The following PTK2B variants were observed in gnomAD, a reference collection of about 807,000 sequenced individuals.
PTK2B encodes protein-tyrosine kinase 2-beta.
Under a neutral mutation model 142.9 loss-of-function variants are expected in PTK2B, and 71 were observed. The observed-to-expected ratio is 0.50, with a 90% CI of 0.41 to 0.61. PTK2B has a LOEUF of 0.61. Among genes scored for constraint, PTK2B ranks in the 20% least tolerant of loss-of-function variants. The probability of loss-of-function intolerance (pLI) is 0.00; values close to 1 mark genes in which losing one functional copy is unlikely to be tolerated. For missense variants in PTK2B, 1,105 were observed against 1,320.4 expected (o/e 0.84, Z 2.53); for synonymous variants, 519 against 503.4 (o/e 1.03, Z -0.42).
At chr8:27,350,987 AAAAATATATATATATATATAT>A (rs1262942546) in intron 1 of PTK2B, among the ~76,000 whole-genome samples, 1 of 17,166 alleles carries the variant, frequency 5.8e-5, no homozygotes, top group East Asian at 8.3e-4. Flanking sequence ...AAAAAAAAAA[AAAAATATATATATATATATAT>A]ATATATATAT....
intron 2 of PTK2B, among the ~76,000 whole-genome samples, chr8:27,407,853 C>T (rs1563259940): frequency 6.6e-6 from 1 of 152,206 alleles, no homozygotes; most frequent in Non-Finnish European, 1.5e-5. Context: ...AGCACCTGCT[C>T]TGCACCTACC....
rs766476675 is a variant in PTK2B at position 27,439,303 on chromosome 8, C to T, written c.1745-6C>T. The T allele has an allele frequency of 6.2e-7, 1 of 1,612,406 alleles. No homozygotes were observed. Among genetic ancestry groups the T allele is most frequent in the Non-Finnish European group, 8.5e-7 (1 of 1,178,488 alleles). The stretch of plus-strand genomic sequence containing the variant: ...CCTAAAAATCAACCTCTTTGCCCAC[C>T]CAAAGCCTCTGTGACTCGTCTCCCC... On this transcript the variant is annotated splice_polypyrimidine_tract_variant and splice_region_variant and intron_variant, in intron 19 of 30. Coordinates refer to ENST00000346049, the MANE Select transcript of PTK2B (RefSeq NM_173176.3).
chr8:27,437,208 T>C lies in PTK2B; in HGVS notation c.1426+2T>C, dbSNP rs772470017. ...AGGAGAAGTTCATGAGCGAGGCAGG[T>C]AGGGACCCCTGAGACCAACCAGGCC... is the stretch of plus-strand genomic sequence containing the variant. On this transcript the variant is annotated splice_donor_variant, in intron 16 of 30. Coordinates refer to ENST00000346049, the MANE Select transcript of PTK2B (RefSeq NM_173176.3). LOFTEE classifies it high-confidence loss of function. The C allele has an allele frequency of 6.2e-7, 1 of 1,613,158 alleles. No homozygotes were observed. The highest frequency in any genetic ancestry group is 8.5e-7 in the Non-Finnish European group (1 of 1,179,280).
rs192444260 is a variant in PTK2B, at chr8:27,438,109, C to T, written c.1643+229C>T. On this transcript the variant is annotated intron_variant, in intron 18 of 30. Coordinates refer to ENST00000346049, the MANE Select transcript of PTK2B (RefSeq NM_173176.3). ...GGTTGTTACGAGTAACTCTGAAGTC[C>T]GAGGTGTCTGTCTATATATCAAGAC... is the stretch of plus-strand genomic sequence containing the variant. The T allele has an allele frequency of 4.2e-4, 209 of 492,824 alleles. 1 individual carries two copies. The highest frequency in any genetic ancestry group is 3.4e-3 in the African/African-American group (175 of 51,950). The allele number at this position is 492,824 out of a possible 1,614,324, so 30.5% of individuals were successfully genotyped here.
In PTK2B at chr8:27,432,459, A is replaced by G. The variant is rs1475909003; in HGVS notation, c.987+98A>G. ...AGACCAAAAGTCTGTGACACACAGG[A>G]AGCCAGGAGCTTCCTGGCTTTGGGG... On this transcript the variant is annotated intron_variant, in intron 10 of 30. Coordinates refer to ENST00000346049, the MANE Select transcript of PTK2B (RefSeq NM_173176.3). 5.4e-6 allele frequency: 6 copies of G among 1,115,730 alleles called. No individual in the cohort carries two copies. In the African/African-American group the frequency reaches 9.4e-5, roughly 17 times the overall value. 69.1% of individuals were successfully genotyped at this position (1,115,730 alleles called of 1,614,324 possible).
chr8:27,330,638 G>T (rs949680738), intron 1 of PTK2B, among the ~76,000 whole-genome samples: 1 of 152,186 alleles, frequency 6.6e-6, no homozygotes, highest in African/African-American at 2.4e-5. Flanking sequence ...GGGCGGCAGA[G>T]GGGGAGGGGA....
upstream of PTK2B, chr8:27,310,866 G>A: frequency 1.2e-6 from 2 of 1,611,596 alleles, no homozygotes; most frequent in Non-Finnish European, 1.7e-6. Context: ...GGGTCGGCCT[G>A]GCAGGAGCAG....
intron 1 of PTK2B, among the ~76,000 whole-genome samples, chr8:27,388,219 T>G (rs1488216107): frequency 2.0e-5 from 3 of 152,174 alleles, no homozygotes; most frequent in Admixed American, 2.0e-4. Context: ...GGTACCAAAT[T>G]TCTCCGCTCA....
chr8:27,371,010 C>T (rs922398974), intron 1 of PTK2B, among the ~76,000 whole-genome samples: 2 of 152,108 alleles, frequency 1.3e-5, no homozygotes, highest in African/African-American at 4.8e-5. Context: ...ATCCTTCCAC[C>T]TCAGCCTCCC....
intron 28 of PTK2B, among the ~76,000 whole-genome samples, chr8:27,453,508 G>A (rs1287888759): frequency 2.0e-5 from 3 of 152,140 alleles, no homozygotes; most frequent in African/African-American, 4.8e-5. Context: ...GCCATCTGGG[G>A]TGGTGCTGGC....
At chr8:27,310,972 C>G (rs1325631983), upstream of PTK2B, 24 of 1,612,206 alleles carry the variant, frequency 1.5e-5, no homozygotes, top group Non-Finnish European at 2.0e-5. Context: ...AGCGCGCGCC[C>G]TCGGCCTCCT....
At position 27,377,277 on chromosome 8, in the gene PTK2B, C is replaced by T. The variant is rs181715700; in HGVS notation, c.-37-20271C>T. Among the ~76,000 whole-genome samples the T allele has an allele frequency of 8.1e-4, 124 of 152,224 alleles. 1 individual carries two copies. Among genetic ancestry groups the T allele is most frequent in the African/African-American group, 2.6e-3 (109 of 41,522 alleles). On this transcript the variant is annotated intron_variant, in intron 1 of 30. Transcript: ENST00000346049. ...GAGGAACTTGGGTGATCTGTGATCA[C>T]GGCCAACACTCAGTGTTGGGTATGT...
At chr8:27,323,901 C>T (rs73679164), upstream of PTK2B, among the ~76,000 whole-genome samples, 158 of 152,274 alleles carry the variant, frequency 1.0e-3, no homozygotes, top group African/African-American at 3.8e-3. Flanking sequence ...GATTGTAGTT[C>T]ATTTATGTGG....
In PTK2B at chr8:27,419,287, A is replaced by T. The variant is rs1216379075; in HGVS notation, c.205-608A>T. Among the ~76,000 whole-genome samples the T allele has an allele frequency of 2.0e-5, 3 of 152,320 alleles. 1 individual carries two copies. The East Asian group carries it at 5.8e-4, about 29-fold the overall frequency. ...GGGGATTGTGGCACTTAATCCTTCC[A>T]AGTGAATCTTGTCCTTATCTTTTCC... On this transcript the variant is annotated intron_variant, in intron 2 of 30. Transcript: ENST00000346049.
intron 1 of PTK2B, among the ~76,000 whole-genome samples, chr8:27,337,978 A>G (rs1305424828): frequency 6.6e-6 from 1 of 152,078 alleles, no homozygotes; most frequent in Admixed American, 6.6e-5. Flanking sequence ...TTTTATTCCC[A>G]TCAGCAGTAC....
rs191136422 is a variant in PTK2B at position 27,367,803 on chromosome 8, T to G, written c.-37-29745T>G. ...AGGTGCCAGCCTCCTTTTTAAACAA[T>G]CAGATCTCACATGAACTCATTAAAC... On this transcript the variant is annotated intron_variant, in intron 1 of 30. Coordinates refer to ENST00000346049, the MANE Select transcript of PTK2B (RefSeq NM_173176.3). Among the ~76,000 whole-genome samples the G allele has an allele frequency of 2.0e-5, 3 of 151,998 alleles. No homozygotes were observed. In the East Asian group the frequency reaches 5.8e-4, roughly 29 times the overall value.
At chr8:27,361,791 C>T (rs1042756771) in intron 1 of PTK2B, among the ~76,000 whole-genome samples, 3 of 152,128 alleles carry the variant, frequency 2.0e-5, no homozygotes, top group Non-Finnish European at 2.9e-5. Context: ...TCCTGGGGTC[C>T]TCTGTATGTG....
intron 2 of PTK2B, 53 bp from the exon 3 acceptor site, chr8:27,419,842 G>A: frequency 6.3e-7 from 1 of 1,587,596 alleles, no homozygotes; most frequent in Non-Finnish European, 8.6e-7. Context: ...TGAGAATTAT[G>A]GGAGCCCAAA....
At chr8:27,457,557 G>A (rs1812210531) in intron 30 of PTK2B, among the ~76,000 whole-genome samples, 1 of 152,180 alleles carries the variant, frequency 6.6e-6, no homozygotes, top group South Asian at 2.1e-4. Context: ...AAATATTTTG[G>A]AAAGGATTTA....
Sources: gnomAD v4.1 joint callset for allele counts (sites outside exome capture counted in the v4.1 genomes callset) on GRCh38, gnomAD v4.1.1 for gene constraint, MANE v1.5 for transcripts, NCBI Gene and HGNC (gene_info 2026-07-23, HGNC 2026-07-21) for gene names.